The following ROCK2 variants were observed in gnomAD, a reference collection of about 807,000 sequenced individuals.
The protein encoded by ROCK2 is Rho associated coiled-coil containing protein kinase 2.
ROCK2 carries 61 observed loss-of-function variants against 195.1 expected under a neutral mutation model. The ratio of observed to expected loss-of-function variants is 0.31; its 90% CI spans 0.25 to 0.39. The LOEUF is 0.39. Ranked by LOEUF, ROCK2 falls within the 10% of genes least tolerant of loss-of-function variation. The pLI is 1.00. For missense variants in ROCK2, 1,109 were observed against 1,637.4 expected (o/e 0.68, Z 5.57); for synonymous variants, 504 against 545.5 (o/e 0.92, Z 1.06).
chr2:11,243,542 T>A (rs541068037), intron 4 of ROCK2, among the ~76,000 whole-genome samples: 5 of 152,290 alleles, frequency 3.3e-5, no homozygotes, highest in East Asian at 1.9e-4. Flanking sequence ...TATGACAGCA[T>A]GAAAATGGCA....
In ROCK2 at chr2:11,208,374, T is replaced by C. The variant is rs1458257852; in HGVS notation, c.2277A>G (p.Lys759=). Residue 759 remains lysine (K), a synonymous_variant, in exon 19 of 33, where the codon AAA becomes AAG. Coordinates refer to ENST00000315872, the MANE Select transcript of ROCK2 (RefSeq NM_004850.5). The part of the protein sequence containing the change: ...KVENLLLEAE[K]RCSLLDCDLK... ...GGTCACAGTCTAATAGAGAACATCTTTTCTCAGCTTCTAGCAATAGGTTCT... is the reference window on the plus strand; with the variant it reads ...GGTCACAGTCTAATAGAGAACATCTCTTCTCAGCTTCTAGCAATAGGTTCT... The C allele has an allele frequency of 1.3e-6, 2 of 1,554,044 alleles. No individual in the cohort carries two copies. The highest frequency in any genetic ancestry group is 4.6e-5 in the East Asian group (2 of 43,686).
rs966394065 is a variant in ROCK2 at position 11,255,319 on chromosome 2, G to C, written c.325-5521C>G. On this transcript the variant is annotated intron_variant, in intron 3 of 32. Transcript: ENST00000315872. ...TGCAAGAGTTAAGGATGAACAGCAA[G>C]TAACTGGACAGCCTATCAGAATGAA... is the stretch of plus-strand genomic sequence containing the variant. Among the ~76,000 whole-genome samples, 3 of 148,230 alleles carry C rather than the reference G, an allele frequency of 2.0e-5. 1 individual carries two copies. Among genetic ancestry groups the C allele is most frequent in the Admixed American group, 2.0e-4 (3 of 14,998 alleles).
chr2:11,332,154 T>A (rs1304614651), intron 1 of ROCK2, among the ~76,000 whole-genome samples: 1 of 151,790 alleles, frequency 6.6e-6, no homozygotes, highest in African/African-American at 2.4e-5. Flanking sequence ...AAAAAAAACC[T>A]TTTTTTAATT....
chr2:11,325,451 G>A (rs1668519345), intron 1 of ROCK2, among the ~76,000 whole-genome samples: 4 of 152,260 alleles, frequency 2.6e-5, no homozygotes. Flanking sequence ...GTTAATATTT[G>A]GGGAGTTGGC....
At chr2:11,238,668 T>C (rs1665313804) in intron 4 of ROCK2, among the ~76,000 whole-genome samples, 1 of 152,108 alleles carries the variant, frequency 6.6e-6, no homozygotes, top group African/African-American at 2.4e-5. Flanking sequence ...GGCAACAAAG[T>C]GAGACTGTGT....
At position 11,192,731 on chromosome 2, in the gene ROCK2, C is replaced by T. The variant is rs1256471288; in HGVS notation, c.3688-19G>A. ...ACAGAATCTATGAATGCCAAAAGAA[C>T]AATAAGTGATTTCCAAACATGCTAT... On this transcript the variant is annotated intron_variant, in intron 30 of 32. Transcript: ENST00000315872. The surrounding 1 kb of genome is among the most constrained non-coding windows in gnomAD (Gnocchi z 5.0). 1.9e-6 allele frequency: 3 copies of T among 1,589,734 alleles called. No homozygotes were observed. The highest frequency in any genetic ancestry group is 2.3e-5 in the South Asian group (2 of 88,724).
At chr2:11,297,626 T>A (rs1294092799) in intron 1 of ROCK2, among the ~76,000 whole-genome samples, 1 of 152,144 alleles carries the variant, frequency 6.6e-6, no homozygotes, top group Non-Finnish European at 1.5e-5. Context: ...ACTAACTTTT[T>A]TTTCCCATCC....
chr2:11,301,692 C>T (rs146183389), intron 1 of ROCK2, among the ~76,000 whole-genome samples: 6,393 of 149,262 alleles, frequency 0.043, 270 homozygotes, highest in Non-Finnish European at 0.06. Flanking sequence ...GGAGGAGAAT[C>T]GCTTGAACCT....
At chr2:11,318,753 T>A (rs1169415616) in intron 1 of ROCK2, among the ~76,000 whole-genome samples, 3 of 152,246 alleles carry the variant, frequency 2.0e-5, no homozygotes, top group Non-Finnish European at 4.4e-5. Context: ...CATTTAAGTC[T>A]TTAATCCATC....
chr2:11,266,315 G>A (rs562958569), intron 3 of ROCK2, among the ~76,000 whole-genome samples: 223 of 152,248 alleles, frequency 1.5e-3, no homozygotes, highest in African/African-American at 5.1e-3. Flanking sequence ...TTGGAACTAC[G>A]GCATTAAGAT....
At chr2:11,313,944 G>C (rs932702477) in intron 1 of ROCK2, among the ~76,000 whole-genome samples, 5 of 151,740 alleles carry the variant, frequency 3.3e-5, no homozygotes, top group South Asian at 2.1e-4. Context: ...AGAAATGTCA[G>C]AAGTACAGGA....
intron 3 of ROCK2, among the ~76,000 whole-genome samples, chr2:11,284,474 G>T (rs1307519297): frequency 1.3e-5 from 2 of 152,136 alleles, no homozygotes; most frequent in African/African-American, 4.8e-5. Context: ...CAATGGAAGT[G>T]TCTATGCACA....
At chr2:11,310,409 T>C (rs1667995451) in intron 1 of ROCK2, among the ~76,000 whole-genome samples, 1 of 152,156 alleles carries the variant, frequency 6.6e-6, no homozygotes, top group South Asian at 2.1e-4. Context: ...CCTAATCACA[T>C]GGCTTAGAAT....
intron 23 of ROCK2, among the ~76,000 whole-genome samples, chr2:11,199,544 G>A (rs1235716787): frequency 1.3e-5 from 2 of 150,902 alleles, no homozygotes; most frequent in Non-Finnish European, 3.0e-5. Flanking sequence ...TGCCTAGGCT[G>A]GTCTCAAACT....
At chr2:11,191,840 G>A (rs1285768940) in intron 32 of ROCK2, among the ~76,000 whole-genome samples, 1 of 152,120 alleles carries the variant, frequency 6.6e-6, no homozygotes, top group Non-Finnish European at 1.5e-5. Flanking sequence ...GCTTAAAGTT[G>A]TAAGTTCTAA....
At chr2:11,335,785 C>T (rs1668909642) in intron 1 of ROCK2, among the ~76,000 whole-genome samples, 1 of 151,972 alleles carries the variant, frequency 6.6e-6, no homozygotes, top group Non-Finnish European at 1.5e-5. Context: ...ATCAGAATTC[C>T]AAATGAAATG....
chr2:11,228,190 T>C (rs915125819), intron 5 of ROCK2, among the ~76,000 whole-genome samples: 4 of 152,142 alleles, frequency 2.6e-5, no homozygotes, highest in Admixed American at 6.5e-5. Flanking sequence ...TTGCAATGAT[T>C]TGAGAGATTA....
rs148591129 is a variant in ROCK2, at chr2:11,249,786, C to G, written c.337G>C (p.Ala113Pro). ...TTCATAGCATAAACCTTCTGCGATG[C>G]CTTGTGACGAACCTGTTGATTTTTG... ...FGEVQLVRHK[A>P]SQKVYAMKLL... The change falls in exon 4 of 33, where the codon GCA becomes CCA. Residue 113 changes from alanine (A) to proline (P), a missense_variant. By Grantham distance (27) the Ala-to-Pro change is conservative. Coordinates refer to ENST00000315872, the MANE Select transcript of ROCK2 (RefSeq NM_004850.5). 2.6e-6 allele frequency: 4 copies of G among 1,526,190 alleles called. No homozygotes were observed. Among genetic ancestry groups the G allele is most frequent in the Non-Finnish European group, 3.5e-6 (4 of 1,143,564 alleles). 94.5% of individuals were successfully genotyped at this position (1,526,190 alleles called of 1,614,324 possible).
intron 32 of ROCK2, among the ~76,000 whole-genome samples, chr2:11,191,080 T>TA (rs911828554): frequency 6.6e-6 from 1 of 152,192 alleles, no homozygotes; most frequent in African/African-American, 2.4e-5. Context: ...TTTCTGACAA[T>TA]ACAGCCAATG....
Sources: allele counts gnomAD v4.1 joint callset (sites outside exome capture counted in the v4.1 genomes callset), GRCh38; gene constraint gnomAD v4.1.1; non-coding constraint Gnocchi (gnomAD v3.1); transcripts MANE v1.5; gene names NCBI Gene and HGNC (gene_info 2026-07-23, HGNC 2026-07-21).